GALNT17: variants seen among roughly 807,000 people sequenced by gnomAD.
The protein encoded by GALNT17 is polypeptide N-acetylgalactosaminyltransferase 17, also known as UDP-GalNAc:polypeptide N-acetylgalactosaminyltransferase-like 3.
GALNT17 carries 29 observed loss-of-function variants against 63.7 expected under a neutral mutation model. The observed-to-expected ratio is 0.46, with a 90% CI of 0.34 to 0.62. GALNT17 has a LOEUF of 0.62. Ranked by LOEUF, GALNT17 falls within the 20% of genes least tolerant of loss-of-function variation. The pLI is 0.01. For missense variants in GALNT17, 603 were observed against 799.6 expected (o/e 0.75, Z 2.97); for synonymous variants, 305 against 318.3 (o/e 0.96, Z 0.45).
intron 1 of GALNT17, among the ~76,000 whole-genome samples, chr7:71,313,611 T>G (rs1350480094): frequency 6.6e-6 from 1 of 152,200 alleles, no homozygotes; most frequent in Non-Finnish European, 1.5e-5. Flanking sequence ...CAGGTGAATA[T>G]CCTGTAAAGG....
chr7:71,682,411 C>A (rs1791281653), intron 9 of GALNT17, among the ~76,000 whole-genome samples: 1 of 152,150 alleles, frequency 6.6e-6, no homozygotes, highest in East Asian at 1.9e-4. Context: ...ACTTGACCTT[C>A]CTTACCTTTC....
chr7:71,206,606 C>T (rs1398453064), intron 1 of GALNT17, among the ~76,000 whole-genome samples: 1 of 152,098 alleles, frequency 6.6e-6, no homozygotes, highest in African/African-American at 2.4e-5. Context: ...GCAGGCTTTT[C>T]CCAATATGAT....
At chr7:71,351,640 A>G (rs1469792154) in intron 2 of GALNT17, among the ~76,000 whole-genome samples, 1 of 152,084 alleles carries the variant, frequency 6.6e-6, no homozygotes, top group Non-Finnish European at 1.5e-5. Flanking sequence ...ATTGCCAGCA[A>G]TCTCCAAAAA....
At chr7:71,594,022 A>T (rs369481485) in intron 6 of GALNT17, among the ~76,000 whole-genome samples, 6 of 151,024 alleles carry the variant, frequency 4.0e-5, no homozygotes, top group East Asian at 2.0e-4. Flanking sequence ...AAAAGCTATC[A>T]TTTTTTTTTA....
intron 2 of GALNT17, among the ~76,000 whole-genome samples, chr7:71,368,411 C>T (rs1342832196): frequency 6.6e-6 from 1 of 151,962 alleles, no homozygotes; most frequent in Non-Finnish European, 1.5e-5. Context: ...TCATTTTTTT[C>T]CTAGAGAGTT....
At chr7:71,376,339 G>A (rs1449550546) in intron 2 of GALNT17, among the ~76,000 whole-genome samples, 1 of 146,558 alleles carries the variant, frequency 6.8e-6, no homozygotes, top group Non-Finnish European at 1.5e-5. Context: ...GCTCTGGCCT[G>A]AAACTGTCTG....
chr7:71,248,853 AATCTGGGCTTCCAG>A (rs1250134910), intron 1 of GALNT17, among the ~76,000 whole-genome samples: 2 of 152,294 alleles, frequency 1.3e-5, no homozygotes, highest in South Asian at 2.1e-4. Context: ...ACTCAGAGCA[AATCTGGGCTTCCAG>A]ATCCACCTAC....
chr7:71,269,749 T>C, intron 1 of GALNT17, among the ~76,000 whole-genome samples: 1 of 152,184 alleles, frequency 6.6e-6, no homozygotes, highest in East Asian at 1.9e-4. Flanking sequence ...TTTCCTCTTA[T>C]AACTGAAAGT....
At chr7:71,201,461 A>G (rs894349549) in intron 1 of GALNT17, among the ~76,000 whole-genome samples, 2 of 151,656 alleles carry the variant, frequency 1.3e-5, no homozygotes, top group African/African-American at 4.8e-5. Context: ...CGGGAGGACA[A>G]TGTTGTTTGT....
chr7:71,323,669 G>A (rs80160396), intron 1 of GALNT17, among the ~76,000 whole-genome samples: 1,842 of 152,254 alleles, frequency 0.012, 41 homozygotes, highest in African/African-American at 0.041. Flanking sequence ...TTAATGAAAC[G>A]GCGCTTACCC....
chr7:71,632,296 G>A (rs1489686777), intron 6 of GALNT17, among the ~76,000 whole-genome samples: 9 of 152,138 alleles, frequency 5.9e-5, no homozygotes, highest in African/African-American at 1.9e-4. Flanking sequence ...GCCGGGTGCC[G>A]GGAGCACTGG....
chr7:71,696,032 A>C (rs1256444345), intron 9 of GALNT17, among the ~76,000 whole-genome samples: 2 of 152,220 alleles, frequency 1.3e-5, no homozygotes, highest in East Asian at 3.8e-4. Flanking sequence ...GCAATAAATA[A>C]ATGTACTCCA....
intron 1 of GALNT17, among the ~76,000 whole-genome samples, chr7:71,265,118 A>ATATTTTTTT (rs1390488895): frequency 5.3e-5 from 2 of 37,464 alleles, no homozygotes; most frequent in East Asian, 5.6e-4. Flanking sequence ...ATATATATAT[A>ATATTTTTTT]TTTTTTTTTT....
intron 9 of GALNT17, among the ~76,000 whole-genome samples, chr7:71,695,434 C>T (rs1265162937): frequency 1.3e-5 from 2 of 152,166 alleles, no homozygotes; most frequent in South Asian, 2.1e-4. Flanking sequence ...TTGGGACCAT[C>T]CCAGCCCCCA....
intron 6 of GALNT17, among the ~76,000 whole-genome samples, chr7:71,662,318 T>TTATCTATCTGTCTATC (rs1554320971): frequency 6.6e-6 from 1 of 150,942 alleles, no homozygotes; most frequent in Non-Finnish European, 1.5e-5. Context: ...ATCTCTCTGT[T>TTATCTATCTGTCTATC]TATCTATCTA....
intron 5 of GALNT17, among the ~76,000 whole-genome samples, chr7:71,520,155 C>G (rs7788426): frequency 0.87 from 132,792 of 152,114 alleles, 58,279 homozygotes; most frequent in Non-Finnish European, 0.92. Flanking sequence ...GTATGTATGG[C>G]GTCTCATGGG....
Position 71,528,867 on chromosome 7 carries a change from G to A in GALNT17, c.963-42418G>A, listed in dbSNP as rs140139494. Among the ~76,000 whole-genome samples the A allele has an allele frequency of 4.7e-3, 709 of 152,288 alleles. 12 individuals are homozygous for A. Among genetic ancestry groups the A allele is most frequent in the African/African-American group, 0.016 (677 of 41,560 alleles). On this transcript the variant is annotated intron_variant, in intron 5 of 10. Transcript: ENST00000333538. ...AAACAAAAGTTGACCGGGTGTGGTGGCTCATACCTGTAATCCCAGCACTTC... is the reference window on the plus strand; with the variant it reads ...AAACAAAAGTTGACCGGGTGTGGTGACTCATACCTGTAATCCCAGCACTTC...
chr7:71,205,152 CTTTTTTTT>C (rs759200277), intron 1 of GALNT17, among the ~76,000 whole-genome samples: 3 of 115,008 alleles, frequency 2.6e-5, no homozygotes, highest in African/African-American at 1.1e-4. Flanking sequence ...TTACTTTTTA[CTTTTTTTT>C]TTTTTTTTTT....
intron 1 of GALNT17, among the ~76,000 whole-genome samples, chr7:71,230,098 G>A (rs1789760092): frequency 6.6e-6 from 1 of 152,154 alleles, no homozygotes; most frequent in African/African-American, 2.4e-5. Context: ...GTTTGGCCTG[G>A]AGAAGAGAAA....
Sources: allele counts gnomAD v4.1 joint callset (sites outside exome capture counted in the v4.1 genomes callset), GRCh38; gene constraint gnomAD v4.1.1; transcripts MANE v1.5; gene names NCBI Gene and HGNC (gene_info 2026-07-23, HGNC 2026-07-21).